RAD51B: variants seen among roughly 807,000 people sequenced by gnomAD.
RAD51B encodes the protein DNA repair protein RAD51 homolog 2.
RAD51B carries 38 observed loss-of-function variants against 42.2 expected under a neutral mutation model. The observed-to-expected ratio is 0.90, with a 90% CI of 0.70 to 1.18. The LOEUF is 1.18. Among genes scored for constraint, RAD51B ranks in the 50% most tolerant of loss-of-function variants. The pLI is 0.00. For missense variants in RAD51B, 373 were observed against 400.7 expected (o/e 0.93, Z 0.59); for synonymous variants, 154 against 145.2 (o/e 1.06, Z -0.43).
chr14:68,281,894 C>T (rs1008803946), intron 7 of RAD51B, among the ~76,000 whole-genome samples: 1 of 152,116 alleles, frequency 6.6e-6, no homozygotes, highest in Non-Finnish European at 1.5e-5. Flanking sequence ...CATTTCCAAG[C>T]CAGTATCAGA....
At chr14:68,607,508 CGT>C (rs1382043763) in intron 10 of RAD51B, among the ~76,000 whole-genome samples, 1 of 152,204 alleles carries the variant, frequency 6.6e-6, no homozygotes, top group Non-Finnish European at 1.5e-5. Flanking sequence ...AGCCCAGGCC[CGT>C]GAGGCTCCTC....
chr14:68,644,804 G>C (rs1285537853), intron 10 of RAD51B, among the ~76,000 whole-genome samples: 1 of 151,940 alleles, frequency 6.6e-6, no homozygotes, highest in Non-Finnish European at 1.5e-5. Context: ...ACTCATCATA[G>C]GGAGTTTAGA....
chr14:68,468,371 C>T (rs1035671495), intron 10 of RAD51B, 121 bp downstream of exon 10: 1 of 1,038,964 alleles, frequency 9.6e-7, no homozygotes, highest in Non-Finnish European at 1.5e-6. Context: ...AACCAAGATG[C>T]ATTGGCCAGT....
chr14:68,006,084 A>T (rs1274396404), intron 7 of RAD51B, among the ~76,000 whole-genome samples: 1 of 152,188 alleles, frequency 6.6e-6, no homozygotes, highest in African/African-American at 2.4e-5. Context: ...ATCCACCTCC[A>T]TGATTCAAAC....
chr14:68,475,444 A>G (rs560430239), intron 10 of RAD51B, among the ~76,000 whole-genome samples: 46 of 152,312 alleles, frequency 3.0e-4, no homozygotes, highest in African/African-American at 1.0e-3. Flanking sequence ...TCCAGACTCT[A>G]AAGTAGAAGA....
chr14:68,138,129 A>T (rs555238949), intron 7 of RAD51B, among the ~76,000 whole-genome samples: 1 of 131,614 alleles, frequency 7.6e-6, no homozygotes, highest in African/African-American at 2.8e-5. Flanking sequence ...AGCTGCAGGC[A>T]GATTCCCATT....
intron 10 of RAD51B, among the ~76,000 whole-genome samples, chr14:68,608,101 C>A (rs1272172157): frequency 1.3e-5 from 2 of 152,190 alleles, no homozygotes; most frequent in East Asian, 1.9e-4. Flanking sequence ...TTGGGCACAG[C>A]GCGTGCCATG....
intron 9 of RAD51B, among the ~76,000 whole-genome samples, chr14:68,425,979 C>CTTTCTTTCTTTCTTT (rs1555408046): frequency 0.01 from 592 of 58,378 alleles, 2 homozygotes; most frequent in African/African-American, 0.017. Flanking sequence ...TTTCTTTCTT[C>CTTTCTTTCTTTCTTT]CTTCCTTCCT....
At chr14:68,073,982 G>A (rs891584851) in intron 7 of RAD51B, among the ~76,000 whole-genome samples, 2 of 152,166 alleles carry the variant, frequency 1.3e-5, no homozygotes, top group African/African-American at 2.4e-5. Context: ...TGATGTTGGA[G>A]GATTTGACGA....
At chr14:68,073,565 T>C (rs567193579) in intron 7 of RAD51B, among the ~76,000 whole-genome samples, 23 of 152,208 alleles carry the variant, frequency 1.5e-4, no homozygotes, top group Non-Finnish European at 2.5e-4. Flanking sequence ...CCTGTCATCA[T>C]GTTGTTGGCT....
At position 68,257,006 on chromosome 14, in the gene RAD51B, G is replaced by T. The variant is rs150660514; in HGVS notation, c.757-34878G>T. On this transcript the variant is annotated intron_variant, in intron 7 of 10. Transcript: ENST00000471583. Reference sequence around the variant, plus strand: ...AATAAAATCTGTAATTTTTAAAAAGGCAATTACAGAATGTCCCCTGCACTA... The same window carrying T: ...AATAAAATCTGTAATTTTTAAAAAGTCAATTACAGAATGTCCCCTGCACTA... Among the ~76,000 whole-genome samples, 15 of 152,232 alleles carry T rather than the reference G, an allele frequency of 9.9e-5. 1 individual carries two copies. The highest frequency in any genetic ancestry group is 6.2e-4 in the South Asian group (3 of 4,818).
chr14:68,260,318 T>TGTGTGTGG (rs1049368684), intron 7 of RAD51B, among the ~76,000 whole-genome samples: 1 of 128,040 alleles, frequency 7.8e-6, no homozygotes, highest in African/African-American at 4.9e-5. Context: ...TGTGTGTGTG[T>TGTGTGTGG]GGAGAGGGGA....
At chr14:68,640,065 G>A (rs1218185503) in intron 10 of RAD51B, among the ~76,000 whole-genome samples, 2 of 152,314 alleles carry the variant, frequency 1.3e-5, no homozygotes, top group Non-Finnish European at 2.9e-5. Flanking sequence ...GCCTCCCAAA[G>A]TACTGGGATT....
rs145070158 is a variant in RAD51B at position 68,559,811 on chromosome 14, G to T, written c.1037-34674G>T. Among the ~76,000 whole-genome samples, 422 of 152,260 alleles carry T rather than the reference G, an allele frequency of 2.8e-3. 2 individuals carry two copies. The highest frequency in any genetic ancestry group is 9.8e-3 in the African/African-American group (408 of 41,526). On this transcript the variant is annotated intron_variant, in intron 10 of 10. Transcript: ENST00000487270. ...TGTCGTCTTGACCACAGACACACACGCTTGCCAGGACTGCACCCCGAGGAG... is the reference window on the plus strand; with the variant it reads ...TGTCGTCTTGACCACAGACACACACTCTTGCCAGGACTGCACCCCGAGGAG...
chr14:67,993,267 A>C (rs1046722097), intron 7 of RAD51B, among the ~76,000 whole-genome samples: 1 of 152,038 alleles, frequency 6.6e-6, no homozygotes, highest in South Asian at 2.1e-4. Flanking sequence ...CTGTTGTGCT[A>C]TTTAGCCCTA....
intron 6 of RAD51B, 35 bp downstream of exon 6, chr14:67,886,023 C>T (rs36102744): frequency 5.8e-4 from 846 of 1,452,980 alleles, no homozygotes; most frequent in South Asian, 8.6e-4. Context: ...TTTAGTAATG[C>T]GTTGAAGGTT....
At chr14:68,163,749 G>A (rs1235489309) in intron 7 of RAD51B, among the ~76,000 whole-genome samples, 2 of 152,268 alleles carry the variant, frequency 1.3e-5, no homozygotes, top group East Asian at 3.9e-4. Context: ...TAAGGCATGT[G>A]TGTACAGACA....
intron 7 of RAD51B, among the ~76,000 whole-genome samples, chr14:68,083,823 A>G (rs10139386): frequency 0.26 from 39,336 of 152,128 alleles, 6,581 homozygotes; most frequent in African/African-American, 0.48. Flanking sequence ...ATGGGAACAC[A>G]TTAACAAGTA....
rs142504857 is a variant in RAD51B, at chr14:67,914,501, C to G, written c.756+27297C>G. On this transcript the variant is annotated intron_variant, in intron 7 of 10. Coordinates refer to ENST00000471583, the MANE Select transcript of RAD51B (RefSeq NM_133510.4). ...CTGCTGATGGATACTTAGGTTGTTT[C>G]TTTTCTCTTGTTGCTTTTAAGATCT... Among the ~76,000 whole-genome samples, 759 of 152,202 alleles carry G rather than the reference C, an allele frequency of 5.0e-3. 3 individuals are homozygous for G. The highest frequency in any genetic ancestry group is 8.4e-3 in the Non-Finnish European group (570 of 67,988).
Sources: allele counts gnomAD v4.1 joint callset (sites outside exome capture counted in the v4.1 genomes callset), GRCh38; gene constraint gnomAD v4.1.1; transcripts MANE v1.5; gene names NCBI Gene and HGNC (gene_info 2026-07-23, HGNC 2026-07-21).